Variants in SNX7 observed in about 807,000 individuals in gnomAD.
The protein encoded by SNX7 is sorting nexin 7, also known as sorting nexin-7.
A neutral mutation model predicts 48.4 loss-of-function variants in SNX7; 35 were observed. The ratio of observed to expected loss-of-function variants is 0.72; its 90% CI spans 0.55 to 0.96. SNX7 has a LOEUF of 0.96. SNX7 is among the 40% of genes least tolerant of loss of function. The pLI is 0.00. For missense variants in SNX7, 553 were observed against 548.9 expected (o/e 1.01, Z -0.07); for synonymous variants, 190 against 190.2 (o/e 1.00, Z 0.01).
In SNX7 at chr1:98,692,450, CT is replaced by C. The variant is rs1249786155; in HGVS notation, c.639+755del. 6.6e-5 allele frequency among the ~76,000 whole-genome samples: 10 copies of C among 152,224 alleles called. 1 individual carries two copies. Among genetic ancestry groups the C allele is most frequent in the African/African-American group, 2.4e-4 (10 of 41,560 alleles). ...TTCAACTTTTTTTGTAATGACATGA[CT>C]TTTCTCTGCTTCTTGGGAACATTTC... On this transcript the variant is annotated intron_variant, in intron 4 of 8. Coordinates refer to ENST00000306121, the MANE Select transcript of SNX7 (RefSeq NM_015976.5).
chr1:98,729,744 A>G (rs959687477), intron 7 of SNX7, among the ~76,000 whole-genome samples: 2 of 152,132 alleles, frequency 1.3e-5, no homozygotes, highest in Admixed American at 6.5e-5. Flanking sequence ...ACCAATAATA[A>G]GTTCTGAAAT....
At chr1:98,691,271 C>A in intron 3 of SNX7, 86 bp downstream of exon 3, 2 of 691,074 alleles carry the variant, frequency 2.9e-6, no homozygotes, top group Non-Finnish European at 4.7e-6. Flanking sequence ...AATTTCAGAC[C>A]TTAAGTTCAC....
rs370058489 is a variant in SNX7, at chr1:98,715,915, TCA to T, written c.1125+14028_1125+14029del. Among the ~76,000 whole-genome samples, 1,125 of 150,988 alleles carry T rather than the reference TCA, an allele frequency of 7.5e-3. 10 individuals carry two copies. Among genetic ancestry groups the T allele is most frequent in the Middle Eastern group, 0.017 (5 of 292 alleles). ...AGGGAGTATGTCTGTTTAATCATAT[TCA>T]CACACACACACACACGTTTTTATAT... is the stretch of plus-strand genomic sequence containing the variant. On this transcript the variant is annotated intron_variant, in intron 7 of 8. Transcript: ENST00000306121.
intron 5 of SNX7, among the ~76,000 whole-genome samples, chr1:98,697,761 T>G (rs1376933420): frequency 3.3e-5 from 5 of 152,050 alleles, no homozygotes; most frequent in Admixed American, 2.0e-4. Flanking sequence ...GGATAATGCT[T>G]TAATAGAAGT....
chr1:98,707,873 T>C (rs1652092859), intron 7 of SNX7, among the ~76,000 whole-genome samples: 1 of 152,194 alleles, frequency 6.6e-6, no homozygotes, highest in Non-Finnish European at 1.5e-5. Context: ...TTATTCAGTA[T>C]GACATGCTAT....
chr1:98,741,940 C>T (rs144473389), intron 8 of SNX7, among the ~76,000 whole-genome samples: 1,896 of 152,194 alleles, frequency 0.012, 24 homozygotes, highest in Non-Finnish European at 0.016. Context: ...TACAATTAGA[C>T]TTTGAGGGCT....
chr1:98,743,200 TAA>T (rs1342049590), intron 8 of SNX7, among the ~76,000 whole-genome samples: 7 of 152,086 alleles, frequency 4.6e-5, no homozygotes, highest in African/African-American at 1.7e-4. Flanking sequence ...AGCCCTGTGC[TAA>T]TAAACACAGG....
At chr1:98,665,467 A>G (rs887241452) in intron 1 of SNX7, among the ~76,000 whole-genome samples, 1 of 152,248 alleles carries the variant, frequency 6.6e-6, no homozygotes, top group African/African-American at 2.4e-5. Flanking sequence ...AATAGAAGCT[A>G]CAAGTTTTAT....
intron 7 of SNX7, among the ~76,000 whole-genome samples, chr1:98,714,492 AT>A (rs988507282): frequency 1.2e-4 from 13 of 111,550 alleles, no homozygotes; most frequent in African/African-American, 4.0e-4. Flanking sequence ...AATGAATATG[AT>A]AATTTTAGAC....
Position 98,695,575 on chromosome 1 carries a change from G to A in SNX7, c.697G>A (p.Val233Ile), listed in dbSNP as rs201834277. Residue 233 changes from valine (V) to isoleucine (I), a missense_variant, in exon 5 of 9, where the codon GTC becomes ATC. Val to Ile is a conservative substitution (Grantham distance 29). Transcript: ENST00000306121. ...CTTGCTAAGCAGGATGGGGCAAACC[G>A]TCAGAGCTGTTGCGTCCTCAATGAG... The part of the protein sequence containing the change: ...PGLLSRMGQT[V>I]RAVASSMRGV... The A allele has an allele frequency of 3.5e-5, 56 of 1,614,088 alleles. No homozygotes were observed. The highest frequency in any genetic ancestry group is 1.2e-4 in the Admixed American group (7 of 60,016).
chr1:98,689,798 A>G (rs1375435787), intron 2 of SNX7, among the ~76,000 whole-genome samples: 1 of 152,172 alleles, frequency 6.6e-6, no homozygotes, highest in Non-Finnish European at 1.5e-5. Context: ...TGACCAGTCT[A>G]TATTATTAAA....
At chr1:98,744,227 A>G (rs1359076296) in intron 8 of SNX7, among the ~76,000 whole-genome samples, 1 of 152,080 alleles carries the variant, frequency 6.6e-6, no homozygotes, top group Non-Finnish European at 1.5e-5. Context: ...AAAAAATTAG[A>G]TAAAAGTTAG....
rs1057414843 is a variant in SNX7 at position 98,689,571 on chromosome 1, C to T, written c.364-1504C>T. On this transcript the variant is annotated intron_variant, in intron 2 of 8. Coordinates refer to ENST00000306121, the MANE Select transcript of SNX7 (RefSeq NM_015976.5). ...TTAAAATGTTGGATATTCTTAGGGACGTATACAGCTCAATCTTATTTTAAC... is the reference window on the plus strand; with the variant it reads ...TTAAAATGTTGGATATTCTTAGGGATGTATACAGCTCAATCTTATTTTAAC... Among the ~76,000 whole-genome samples, 11 of 152,182 alleles carry T rather than the reference C, an allele frequency of 7.2e-5. 1 individual carries two copies. Among genetic ancestry groups the T allele is most frequent in the African/African-American group, 2.4e-4 (10 of 41,534 alleles).
intron 2 of SNX7, among the ~76,000 whole-genome samples, chr1:98,690,361 G>A (rs574938821): frequency 6.6e-6 from 1 of 152,120 alleles, no homozygotes; most frequent in South Asian, 2.1e-4. Flanking sequence ...TTGTACCCAT[G>A]TTCTTCTTGT....
intron 8 of SNX7, among the ~76,000 whole-genome samples, chr1:98,754,569 T>C (rs1180941639): frequency 6.6e-6 from 1 of 151,898 alleles, no homozygotes. Flanking sequence ...TTTCAAGGAA[T>C]TGGTCCATTT....
intron 2 of SNX7, 30 bp from the exon 3 acceptor site, chr1:98,691,045 T>C (rs1479697493): frequency 1.4e-6 from 2 of 1,444,600 alleles, no homozygotes; most frequent in Non-Finnish European, 1.9e-6. Context: ...TTATATTGCA[T>C]GTGCTGTTAT....
At chr1:98,729,526 TGAA>T (rs989364590) in intron 7 of SNX7, among the ~76,000 whole-genome samples, 8 of 145,400 alleles carry the variant, frequency 5.5e-5, no homozygotes, top group African/African-American at 2.0e-4. Context: ...ATATTAGTAA[TGAA>T]GAAAAGAGAG....
At chr1:98,723,019 A>G (rs1652965815) in intron 7 of SNX7, among the ~76,000 whole-genome samples, 1 of 152,188 alleles carries the variant, frequency 6.6e-6, no homozygotes, top group African/African-American at 2.4e-5. Flanking sequence ...CACTGGGGAT[A>G]ACAATGAAAA....
intron 7 of SNX7, among the ~76,000 whole-genome samples, chr1:98,706,048 T>C (rs1405007740): frequency 6.6e-6 from 1 of 152,122 alleles, no homozygotes; most frequent in Non-Finnish European, 1.5e-5. Flanking sequence ...CTTTACATAA[T>C]GATAAGATGA....
Sources: allele counts gnomAD v4.1 joint callset (sites outside exome capture counted in the v4.1 genomes callset), GRCh38; gene constraint gnomAD v4.1.1; transcripts MANE v1.5; gene names NCBI Gene and HGNC (gene_info 2026-07-23, HGNC 2026-07-21).